Variants in RPS6KC1 observed in about 807,000 individuals in gnomAD.
RPS6KC1 encodes the protein ribosomal protein S6 kinase C1, also known as inactive ribosomal protein S6 kinase delta-1.
In RPS6KC1, 54 loss-of-function variants were observed where a neutral mutation model predicts 103.8. The observed-to-expected ratio is 0.52, with a 90% confidence interval of 0.42 to 0.65. RPS6KC1 has a LOEUF of 0.65. Among genes scored for constraint, RPS6KC1 ranks in the 30% least tolerant of loss-of-function variants. The pLI, the probability that RPS6KC1 is intolerant of heterozygous loss-of-function variation, is 0.00. For missense variants in RPS6KC1, 1,151 were observed against 1,253.8 expected, an observed-to-expected ratio of 0.92 and a Z score of 1.24; for synonymous variants, 439 against 438.7, an observed-to-expected ratio of 1.00 and a Z score of -0.01.
At chr1:213,083,581 G>A (rs141095328) in intron 3 of RPS6KC1, among the ~76,000 whole-genome samples, 108 of 152,318 alleles carry the variant, frequency 7.1e-4, no homozygotes, top group African/African-American at 2.4e-3. Context: ...TCAGTCACAC[G>A]TGGATGTGAC....
At chr1:213,292,964 A>AAAATGAG in the RPS6KC1 span, among the ~76,000 whole-genome samples, 4 of 152,226 alleles carry the variant, frequency 2.6e-5, no homozygotes, top group Non-Finnish European at 5.9e-5. Flanking sequence ...AAAACCCAGA[A>AAAATGAG]GGAAAAAAAT....
the RPS6KC1 span, among the ~76,000 whole-genome samples, chr1:213,327,587 G>A: frequency 6.6e-6 from 1 of 152,072 alleles, no homozygotes; most frequent in Non-Finnish European, 1.5e-5. Context: ...GTGTGCGTGC[G>A]TGTGTGTGTG....
At chr1:213,813,772 A>G in the RPS6KC1 span, among the ~76,000 whole-genome samples, 2 of 152,254 alleles carry the variant, frequency 1.3e-5, no homozygotes, top group South Asian at 4.2e-4. Context: ...CCTAATCTCT[A>G]CGAGAGGAGC....
the RPS6KC1 span, among the ~76,000 whole-genome samples, chr1:213,322,701 C>T: frequency 1.3e-5 from 2 of 152,056 alleles, no homozygotes; most frequent in South Asian, 4.2e-4. Flanking sequence ...TGCCAGAATT[C>T]CTCAGCTCGT....
chr1:213,135,589 T>G (rs796287823), intron 6 of RPS6KC1, among the ~76,000 whole-genome samples: 5 of 152,350 alleles, frequency 3.3e-5, no homozygotes, highest in African/African-American at 1.2e-4. Context: ...TAAATTGCCT[T>G]AGTTGAGAAT....
intron 8 of RPS6KC1, among the ~76,000 whole-genome samples, chr1:213,189,397 C>T (rs61834137): frequency 0.034 from 5,090 of 149,026 alleles, 116 homozygotes; most frequent in Middle Eastern, 0.056. Context: ...TGCAGTGAGC[C>T]GAGATCATGC....
In RPS6KC1 at chr1:213,252,087, T is replaced by C. The variant is rs543189797; in HGVS notation, c.2911+9429T>C. Among the ~76,000 whole-genome samples, 29 of 152,372 alleles carry C rather than the reference T, an allele frequency of 1.9e-4. No homozygotes were observed. The South Asian group carries it at 6.0e-3, about 32-fold the overall frequency. ...GTTGGATACAAAAAATGCTTTCTTC[T>C]GTGTTTCTTTCTCTTTGCTCTTTAG... On this transcript the variant is annotated intron_variant, in intron 12 of 14. Coordinates refer to ENST00000366960, the MANE Select transcript of RPS6KC1 (RefSeq NM_012424.6).
At chr1:213,326,889 A>G in the RPS6KC1 span, among the ~76,000 whole-genome samples, 32 of 152,100 alleles carry the variant, frequency 2.1e-4, no homozygotes, top group Non-Finnish European at 3.7e-4. Context: ...TCCACATACC[A>G]TCTATTCTTC....
the RPS6KC1 span, among the ~76,000 whole-genome samples, chr1:213,715,880 G>A: frequency 6.6e-6 from 1 of 152,154 alleles, no homozygotes; most frequent in Non-Finnish European, 1.5e-5. Flanking sequence ...CAGGCAGGGA[G>A]GGTCCATTGT....
the RPS6KC1 span, among the ~76,000 whole-genome samples, chr1:213,280,836 C>T: frequency 2.0e-5 from 3 of 152,140 alleles, no homozygotes; most frequent in Admixed American, 2.0e-4. Context: ...GTGTCTTTAA[C>T]AGGTGGGATT....
chr1:213,518,151 TA>T, the RPS6KC1 span, among the ~76,000 whole-genome samples: 4 of 152,138 alleles, frequency 2.6e-5, no homozygotes, highest in Non-Finnish European at 5.9e-5. Context: ...ATTCCAGTTT[TA>T]AAAAAACCTC....
chr1:213,451,105 AC>A, the RPS6KC1 span, among the ~76,000 whole-genome samples: 1 of 152,076 alleles, frequency 6.6e-6, no homozygotes, highest in African/African-American at 2.4e-5. Flanking sequence ...GTCAAATCTA[AC>A]CCCCCATTCT....
chr1:213,057,897 C>G (rs1436590820), intron 1 of RPS6KC1, among the ~76,000 whole-genome samples: 1 of 150,832 alleles, frequency 6.6e-6, no homozygotes, highest in African/African-American at 2.4e-5. Flanking sequence ...TCCTGAGTGG[C>G]TGGGACTACA....
the RPS6KC1 span, among the ~76,000 whole-genome samples, chr1:213,536,801 G>T: frequency 2.0e-5 from 3 of 152,176 alleles, no homozygotes; most frequent in African/African-American, 7.2e-5. Context: ...CAATAGGGAG[G>T]CACCAGGTTC....
chr1:213,695,794 TC>T, the RPS6KC1 span, among the ~76,000 whole-genome samples: 2 of 152,224 alleles, frequency 1.3e-5, no homozygotes, highest in Non-Finnish European at 2.9e-5. Context: ...TCGTATTATT[TC>T]TACCCAATTA....
At chr1:213,861,032 C>A in the RPS6KC1 span, among the ~76,000 whole-genome samples, 11 of 152,218 alleles carry the variant, frequency 7.2e-5, no homozygotes, top group African/African-American at 2.4e-4. Context: ...TGGTCTCAAA[C>A]CCCTGGCCTC....
At chr1:213,843,164 C>T in the RPS6KC1 span, among the ~76,000 whole-genome samples, 2 of 152,154 alleles carry the variant, frequency 1.3e-5, no homozygotes, top group African/African-American at 4.8e-5. Flanking sequence ...CTCTTAAGAC[C>T]TTCTGCTGAT....
At chr1:213,475,439 G>A in the RPS6KC1 span, among the ~76,000 whole-genome samples, 1 of 152,144 alleles carries the variant, frequency 6.6e-6, no homozygotes, top group Admixed American at 6.5e-5. Context: ...GGTGCGTGCT[G>A]TGCCCTGCTC....
At chr1:213,400,096 C>T in the RPS6KC1 span, among the ~76,000 whole-genome samples, 1 of 152,066 alleles carries the variant, frequency 6.6e-6, no homozygotes, top group African/African-American at 2.4e-5. Flanking sequence ...TAACCAGAAC[C>T]CTCGGGTCTT....
Sources: gnomAD v4.1 joint callset for allele counts (sites outside exome capture counted in the v4.1 genomes callset) on GRCh38, gnomAD v4.1.1 for gene constraint, MANE v1.5 for transcripts, NCBI Gene and HGNC (gene_info 2026-07-23, HGNC 2026-07-21) for gene names.